The following RAB36 variants were observed in gnomAD, a reference collection of about 807,000 sequenced individuals.
RAB36 encodes the protein RAB36, member RAS oncogene family.
A neutral mutation model predicts 39.3 loss-of-function variants in RAB36; 33 were observed. That is an observed-to-expected ratio of 0.84 (90% CI 0.64 to 1.12). The LOEUF (loss-of-function observed/expected upper bound fraction) is 1.12. Ranked by LOEUF, RAB36 falls within the 50% of genes most tolerant of loss-of-function variation. RAB36 has a pLI of 0.00. For synonymous variants in RAB36, 133 were observed against 140.2 expected, an observed-to-expected ratio of 0.95 and a Z score of 0.36; for missense variants, 308 against 355.3, an observed-to-expected ratio of 0.87 and a Z score of 1.07.
At chr22:23,147,581 C>G (rs1332822089) in intron 2 of RAB36, among the ~76,000 whole-genome samples, 1 of 152,176 alleles carries the variant, frequency 6.6e-6, no homozygotes. Flanking sequence ...AATCCTCCCA[C>G]CCGGGCCTCT....
intron 5 of RAB36, among the ~76,000 whole-genome samples, chr22:23,154,831 A>C (rs1299666460): frequency 6.6e-6 from 1 of 152,230 alleles, no homozygotes; most frequent in Non-Finnish European, 1.5e-5. Context: ...CACTTGAAAA[A>C]AATTCAGACC....
At chr22:23,157,156 C>G (rs2071499417) in intron 6 of RAB36, among the ~76,000 whole-genome samples, 1 of 152,220 alleles carries the variant, frequency 6.6e-6, no homozygotes, top group Non-Finnish European at 1.5e-5. Context: ...TTCTGCCCAC[C>G]TGGCTCCCCG....
chr22:23,145,923 G>GC (rs1349062891), intron 1 of RAB36: 1 of 958,452 alleles, frequency 1.0e-6, no homozygotes, highest in African/African-American at 1.8e-5. Context: ...GAAAGTTAAG[G>GC]CCCCCAGGCC....
rs1359996583 is a variant in RAB36, at chr22:23,156,330, A to C, written c.394+298A>C. 20 of 313,356 alleles carry C rather than the reference A, an allele frequency of 6.4e-5. 2 individuals carry two copies. Among genetic ancestry groups the C allele is most frequent in the South Asian group, 4.3e-4 (16 of 36,786 alleles). 19.4% of individuals were successfully genotyped at this position (313,356 alleles called of 1,614,324 possible). On this transcript the variant is annotated intron_variant, in intron 6 of 10. Coordinates refer to ENST00000263116, the MANE Select transcript of RAB36 (RefSeq NM_004914.5). The stretch of plus-strand genomic sequence containing the variant: ...GATGAAAGTGCTTTTCCAGAGGCTC[A>C]GAGAAGGGCAGCACTGGACTCCAGG...
chr22:23,151,594 C>T (rs1005704376), intron 3 of RAB36, among the ~76,000 whole-genome samples: 16 of 152,184 alleles, frequency 1.1e-4, no homozygotes, highest in African/African-American at 2.9e-4. Flanking sequence ...GTGTTGTCAA[C>T]AGTCCCAGGA....
chr22:23,158,764 G>A (rs1037555104), intron 7 of RAB36, 134 bp from the exon 8 acceptor site: 1 of 756,202 alleles, frequency 1.3e-6, no homozygotes, highest in Non-Finnish European at 2.3e-6. Flanking sequence ...TGCTCAGCCA[G>A]TGTGGGCCAG....
chr22:23,161,466 G>A, intron 10 of RAB36, 34 bp from the exon 11 acceptor site: 8 of 1,562,974 alleles, frequency 5.1e-6, no homozygotes, highest in Non-Finnish European at 7.0e-6. Context: ...CAGGATTCCT[G>A]GTTGATGCTA....
rs543015484 is a variant in RAB36, at chr22:23,156,468, C to T, written c.394+436C>T. Among the ~76,000 whole-genome samples the T allele has an allele frequency of 1.0e-3, 159 of 152,236 alleles. 2 individuals carry two copies. The highest frequency in any genetic ancestry group is 3.6e-3 in the African/African-American group (151 of 41,552). ...GGCCCCAGGTGGGGGCCAGCAGGGC[C>T]GGATGCTCACCACTTCCATGGCCAA... is the stretch of plus-strand genomic sequence containing the variant. On this transcript the variant is annotated intron_variant, in intron 6 of 10. Transcript: ENST00000263116.
At chr22:23,157,082 C>T (rs1415981971) in intron 6 of RAB36, among the ~76,000 whole-genome samples, 3 of 152,154 alleles carry the variant, frequency 2.0e-5, no homozygotes, top group Non-Finnish European at 1.5e-5. Flanking sequence ...CCTCAGGACC[C>T]CAACAGGACC....
downstream of RAB36, among the ~76,000 whole-genome samples, chr22:23,166,147 T>TTA (rs2072046780): frequency 3.3e-5 from 2 of 59,888 alleles, no homozygotes; most frequent in Non-Finnish European, 5.6e-5. Context: ...CTCTGTCTTT[T>TTA]AAAAAAAAAA....
intron 1 of RAB36, 49 bp downstream of exon 1, chr22:23,145,600 G>C: frequency 6.4e-7 from 1 of 1,558,548 alleles, no homozygotes; most frequent in Non-Finnish European, 8.7e-7. Flanking sequence ...ACCCAACCCC[G>C]TGCTGGCACA....
rs2071990084 is a variant in RAB36, at chr22:23,164,575, C to G, written c.*3011C>G. Among the ~76,000 whole-genome samples the G allele has an allele frequency of 1.3e-5, 2 of 152,162 alleles. No individual in the cohort carries two copies. The highest frequency in any genetic ancestry group is 2.9e-5 in the Non-Finnish European group (2 of 68,024). ...ATTTAATGAAGACATTTCCTTCTTTCCCAGCATCGGGCAGTAAGTTTCCTG... is the reference window on the plus strand; with the variant it reads ...ATTTAATGAAGACATTTCCTTCTTTGCCAGCATCGGGCAGTAAGTTTCCTG... On this transcript the variant is annotated 3_prime_UTR_variant, in exon 11 of 11. Coordinates refer to ENST00000263116, the MANE Select transcript of RAB36 (RefSeq NM_004914.5).
chr22:23,150,631 T>G (rs2071061753), intron 3 of RAB36, among the ~76,000 whole-genome samples: 1 of 152,094 alleles, frequency 6.6e-6, no homozygotes, highest in South Asian at 2.1e-4. Flanking sequence ...TGGCTTCAGT[T>G]AACACACCTG....
In RAB36 at chr22:23,162,963, G is replaced by C. The variant is rs908567179; in HGVS notation, c.*1399G>C. On this transcript the variant is annotated 3_prime_UTR_variant, in exon 11 of 11. Transcript: ENST00000263116. The stretch of plus-strand genomic sequence containing the variant: ...TTTCACCCTTGTTGCCCAGGCTGGA[G>C]TGCAATGGCGTAATCTCGGCTCAGT... The C allele has an allele frequency of 1.5e-5, 5 of 338,084 alleles. No individual in the cohort carries two copies. The highest frequency in any genetic ancestry group is 1.7e-5 in the Non-Finnish European group (3 of 172,592). The allele number at this position is 338,084 out of a possible 1,614,324, so 20.9% of individuals were successfully genotyped here. A position where few individuals can be genotyped will look rare whatever the true frequency, so the allele number is the denominator to read the frequency against.
In RAB36 at chr22:23,159,024, G is replaced by A. The variant is rs182469536; in HGVS notation, c.528+45G>A. 2.4e-4 allele frequency: 384 copies of A among 1,600,814 alleles called. No individual in the cohort carries two copies. The East Asian group carries it at 5.6e-3, about 24-fold the overall frequency. ...TGGTCTGGGTGGCCCTTGGGAAAAT[G>A]CCTCCCCTTACAGCCCTCATTGGAG... On this transcript the variant is annotated intron_variant, in intron 8 of 10. Transcript: ENST00000263116.
In RAB36 at chr22:23,162,744, C is replaced by T; in HGVS notation, c.*1180C>T. ...GTTGCTTCCCGTAGATGGCGAGCAC[C>T]TTGCAGGCAGCCTTCTGATCAGTAC... On this transcript the variant is annotated 3_prime_UTR_variant, in exon 11 of 11. Coordinates refer to ENST00000263116, the MANE Select transcript of RAB36 (RefSeq NM_004914.5). 2.2e-6 allele frequency: 1 copy of T among 456,312 alleles called. No individual in the cohort carries two copies. The highest frequency in any genetic ancestry group is 4.4e-6 in the Non-Finnish European group (1 of 226,980). 28.3% of individuals were successfully genotyped at this position (456,312 alleles called of 1,614,324 possible).
At chr22:23,155,899 C>T (rs1046455193) in intron 5 of RAB36, 69 bp from the exon 6 acceptor site, 3 of 1,432,298 alleles carry the variant, frequency 2.1e-6, no homozygotes, top group Non-Finnish European at 2.8e-6. Flanking sequence ...GTCCCGTAGC[C>T]TGTTGGCTCA....
chr22:23,150,293 CTTTTTTTTTTCT>C, intron 3 of RAB36, 139 bp downstream of exon 3: 3 of 496,598 alleles, frequency 6.0e-6, no homozygotes, highest in African/African-American at 2.1e-5. Context: ...CTGGGGTTTT[CTTTTTTTTTTCT>C]TTTTTTTTTT....
In RAB36 at chr22:23,160,897, T is replaced by C; in HGVS notation, c.638T>C (p.Phe213Ser). 1 of 1,613,754 alleles carries C rather than the reference T, an allele frequency of 6.2e-7. No homozygotes were observed. Among genetic ancestry groups the C allele is most frequent in the South Asian group, 1.1e-5 (1 of 91,060 alleles). Residue 213 changes from phenylalanine to serine, a missense_variant, in exon 10 of 11, where the codon TTC (phenylalanine) becomes TCC (serine). Physicochemically the swap from Phe to Ser is radical, Grantham distance 155. Transcript: ENST00000263116. ...CCCACAGGCGAGAACGTGAAGGCAT[T>C]CTTCAGCCGCGTAGCCGCCCTGGCA... ...SAKTGENVKA[F>S]FSRVAALAFE...
Sources: gnomAD v4.1 joint callset for allele counts (sites outside exome capture counted in the v4.1 genomes callset) on GRCh38, gnomAD v4.1.1 for gene constraint, MANE v1.5 for transcripts, NCBI Gene and HGNC (gene_info 2026-07-23, HGNC 2026-07-21) for gene names.